ZFR: variants seen among roughly 807,000 people sequenced by gnomAD.
The protein encoded by ZFR is zinc finger RNA-binding protein.
Under a neutral mutation model 130.7 loss-of-function variants are expected in ZFR, and 19 were observed. The ratio of observed to expected loss-of-function variants is 0.15; its 90% CI spans 0.10 to 0.21. ZFR has a LOEUF of 0.21. Among genes scored for constraint, ZFR ranks in the 10% least tolerant of loss-of-function variants. The probability of loss-of-function intolerance (pLI) is 1.00; values close to 1 mark genes in which losing one functional copy is unlikely to be tolerated. For missense variants in ZFR, 872 were observed against 1,321.5 expected (o/e 0.66, Z 5.27); for synonymous variants, 466 against 456.9 (o/e 1.02, Z -0.25).
intron 5 of ZFR, among the ~76,000 whole-genome samples, chr5:32,412,163 G>C (rs1208408593): frequency 2.6e-5 from 4 of 152,122 alleles, no homozygotes; most frequent in Non-Finnish European, 5.9e-5. Flanking sequence ...AAAGGAAAAA[G>C]GTATCTTTAT....
chr5:32,404,036 G>A lies in ZFR; in HGVS notation c.1094C>T (p.Ser365Leu), dbSNP rs1753526817. 1.9e-6 allele frequency: 3 copies of A among 1,613,898 alleles called. No individual in the cohort carries two copies. The highest frequency in any genetic ancestry group is 1.7e-6 in the Non-Finnish European group (2 of 1,179,966). The part of the protein sequence containing the change: ...HKKKEAALKA[S>L]QNTSSSNSST... Reference sequence around the variant, plus strand: ...ACTGTTGCTGCTGCTGGTATTTTGTGAGGCTTTCAATGCAGCTTCTTTTTT... The same window carrying A: ...ACTGTTGCTGCTGCTGGTATTTTGTAAGGCTTTCAATGCAGCTTCTTTTTT... Residue 365 changes from serine to leucine, a missense_variant, in exon 7 of 20, where the codon TCA becomes TTA. By Grantham distance (145) the Ser-to-Leu change is moderately radical (BLOSUM62 -2). Around this residue, in one of 7 missense-constraint regions of ZFR, gnomAD observed 31 missense variants for 21.8 expected, o/e 1.42. Transcript: ENST00000265069.
At chr5:32,420,170 T>A in intron 2 of ZFR, 67 bp from the exon 3 acceptor site, 1 of 1,359,490 alleles carries the variant, frequency 7.4e-7, no homozygotes, top group East Asian at 2.6e-5. Context: ...CAACTTCAAT[T>A]AAAAGCTATT....
chr5:32,359,695 A>G (rs1752388616), intron 19 of ZFR, among the ~76,000 whole-genome samples: 1 of 152,234 alleles, frequency 6.6e-6, no homozygotes, highest in East Asian at 1.9e-4. Flanking sequence ...TCACGCCTGT[A>G]ATCCCAGCAC....
intron 1 of ZFR, 52 bp from the exon 2 acceptor site, chr5:32,444,380 G>A (rs910043651): frequency 1.1e-5 from 16 of 1,510,930 alleles, no homozygotes; most frequent in Admixed American, 8.4e-5. Context: ...AGACACAGAG[G>A]AGCCGAGACG....
rs568554173 is a variant in ZFR, at chr5:32,412,724, T to C, written c.784+2245A>G. On this transcript the variant is annotated intron_variant, in intron 5 of 19. Transcript: ENST00000265069. ...GCAAAGTACCATGTCATCTACAACT[T>C]GTAAAGCATATTGCTTATAAACTTA... Among the ~76,000 whole-genome samples the C allele has an allele frequency of 3.2e-4, 49 of 152,332 alleles. 1 individual carries two copies.
In ZFR at chr5:32,388,561, T is replaced by C; in HGVS notation, c.2256A>G (p.Glu752=). Residue 752 remains glutamate (E), a synonymous_variant, in exon 13 of 20, where the codon GAA becomes GAG. Coordinates refer to ENST00000265069, the MANE Select transcript of ZFR (RefSeq NM_016107.5). ...QAVQKIVSIT[E]RALKLVSDSL... is the part of the protein sequence containing the mutation. Reference sequence around the variant, plus strand: ...TGTCTGAAACGAGTTTTAAAGCACGTTCAGTAATAGAAACAATTTTCTGAA... The same window carrying C: ...TGTCTGAAACGAGTTTTAAAGCACGCTCAGTAATAGAAACAATTTTCTGAA... The C allele has an allele frequency of 1.2e-6, 2 of 1,614,058 alleles. No individual in the cohort carries two copies. The highest frequency in any genetic ancestry group is 8.5e-7 in the Non-Finnish European group (1 of 1,179,946).
At chr5:32,400,732 C>T (rs10941005) in intron 8 of ZFR, among the ~76,000 whole-genome samples, 43,974 of 151,870 alleles carry the variant, frequency 0.29, 6,873 homozygotes, top group Middle Eastern at 0.44. Context: ...TGCATGCCTG[C>T]AGTCCTAGCT....
chr5:32,397,542 C>T (rs1227663305), intron 9 of ZFR, among the ~76,000 whole-genome samples: 1 of 152,104 alleles, frequency 6.6e-6, no homozygotes, highest in African/African-American at 2.4e-5. Flanking sequence ...CAACCTCAGC[C>T]TCCTGGGTTC....
At position 32,444,304 on chromosome 5, in the gene ZFR, G is replaced by A; in HGVS notation, c.62C>T (p.Ala21Val). The change falls in exon 2 of 20, where the codon GCC becomes GTC. Residue 21 changes from alanine to valine, a missense_variant. By Grantham distance (64) the Ala-to-Val change is moderately conservative. Transcript: ENST00000265069. ...TYVPSRLGED[A>V]KMATGNYFGF... ...AAAGTAGTTGCCGGTCGCCATTTTGGCATCTTCCCCCAGCCGGCTGGGCAC... is the reference window on the plus strand; with the variant it reads ...AAAGTAGTTGCCGGTCGCCATTTTGACATCTTCCCCCAGCCGGCTGGGCAC... 1 of 1,546,004 alleles carries A rather than the reference G, an allele frequency of 6.5e-7. No individual in the cohort carries two copies. The highest frequency in any genetic ancestry group is 8.7e-7 in the Non-Finnish European group (1 of 1,145,302).
At chr5:32,374,779 G>A (rs1034756853) in intron 17 of ZFR, among the ~76,000 whole-genome samples, 2 of 151,668 alleles carry the variant, frequency 1.3e-5, no homozygotes, top group Non-Finnish European at 2.9e-5. Flanking sequence ...TTTTTTAAAG[G>A]AAATATAAAT....
At chr5:32,403,584 T>C (rs905087354) in intron 7 of ZFR, among the ~76,000 whole-genome samples, 187 bp from the exon 8 acceptor site, 1 of 152,224 alleles carries the variant, frequency 6.6e-6, no homozygotes, top group Non-Finnish European at 1.5e-5. Context: ...GAAGCAAATA[T>C]GCATACATAT....
intron 5 of ZFR, among the ~76,000 whole-genome samples, chr5:32,409,376 G>A (rs1753648344): frequency 6.6e-6 from 1 of 151,928 alleles, no homozygotes; most frequent in South Asian, 2.1e-4. Flanking sequence ...ATAAATGGTT[G>A]TTAAGCTGTA....
intron 11 of ZFR, 102 bp downstream of exon 11, chr5:32,395,057 A>G (rs1466803454): frequency 7.2e-7 from 1 of 1,395,028 alleles, no homozygotes; most frequent in Non-Finnish European, 9.4e-7. Flanking sequence ...TTGGAAGTAA[A>G]TAAATCTGGA....
intron 17 of ZFR, among the ~76,000 whole-genome samples, chr5:32,367,087 GAGAC>G (rs1015655820): frequency 6.6e-6 from 1 of 151,774 alleles, no homozygotes; most frequent in Non-Finnish European, 1.5e-5. Context: ...TATTTTTTGA[GAGAC>G]AGGGTCTTGC....
intron 8 of ZFR, among the ~76,000 whole-genome samples, chr5:32,402,306 G>A (rs558372230): frequency 6.6e-6 from 1 of 152,310 alleles, no homozygotes; most frequent in African/African-American, 2.4e-5. Flanking sequence ...GCCTAAAGGT[G>A]TAGCAGTCAA....
chr5:32,430,302 C>A (rs74357584), intron 2 of ZFR, among the ~76,000 whole-genome samples: 2,588 of 152,136 alleles, frequency 0.017, 38 homozygotes, highest in Non-Finnish European at 0.026. Flanking sequence ...AAAACTAAAT[C>A]ATCTGACAAA....
intron 17 of ZFR, among the ~76,000 whole-genome samples, chr5:32,371,172 C>T (rs935606174): frequency 6.6e-6 from 1 of 152,084 alleles, no homozygotes; most frequent in Non-Finnish European, 1.5e-5. Flanking sequence ...GAGTTCGAGA[C>T]CAGCTGGGGC....
intron 15 of ZFR, among the ~76,000 whole-genome samples, chr5:32,382,754 C>T (rs1010209494): frequency 6.6e-6 from 1 of 152,046 alleles, no homozygotes; most frequent in Non-Finnish European, 1.5e-5. Context: ...GGATTATAGG[C>T]ACTCACCACC....
intron 14 of ZFR, 21 bp from the exon 15 acceptor site, chr5:32,385,670 G>A (rs1329083993): frequency 6.2e-7 from 1 of 1,609,820 alleles, no homozygotes; most frequent in Non-Finnish European, 8.5e-7. Context: ...AAGATGATAA[G>A]AAACAAATTG....
Sources: gnomAD v4.1 joint callset for allele counts (sites outside exome capture counted in the v4.1 genomes callset) on GRCh38, gnomAD v4.1.1 for gene constraint, gnomAD v4.1.1 regional missense constraint, MANE v1.5 for transcripts, NCBI Gene and HGNC (gene_info 2026-07-23, HGNC 2026-07-21) for gene names.